The following DCT variants were observed in gnomAD, a reference collection of about 807,000 sequenced individuals.
DCT encodes the protein dopachrome tautomerase, also known as L-dopachrome tautomerase.
Under a neutral mutation model 53.0 loss-of-function variants are expected in DCT, and 47 were observed. The observed-to-expected ratio is 0.89, with a 90% CI of 0.70 to 1.13. The LOEUF is 1.13. DCT is among the 50% of genes most tolerant of loss of function. DCT has a pLI of 0.00. For missense variants in DCT, 669 were observed against 637.4 expected, an observed-to-expected ratio of 1.05 and a Z score of -0.53; for synonymous variants, 244 against 237.0, an observed-to-expected ratio of 1.03 and a Z score of -0.27.
At chr13:94,547,494 G>A in the DCT span, among the ~76,000 whole-genome samples, 1 of 152,088 alleles carries the variant, frequency 6.6e-6, no homozygotes, top group Admixed American at 6.6e-5. Flanking sequence ...ATGCCCTTCA[G>A]TCGAATTCTT....
At chr13:94,501,432 A>AT in the DCT span, among the ~76,000 whole-genome samples, 31 of 152,108 alleles carry the variant, frequency 2.0e-4, no homozygotes, top group African/African-American at 7.5e-4. Context: ...CCTCTAGTAC[A>AT]TAAAAAGTAA....
rs1180253293 is a variant in DCT at position 94,465,780 on chromosome 13, G to C, written c.716C>G (p.Ser239Cys). The change falls in exon 4 of 8, where the codon TCT becomes TGT. Residue 239 changes from serine to cysteine, a missense_variant. Transcript: ENST00000377028. ...AAAGTTCCAGTAGGGCAAAGCAAAA[G>C]ACTCATTGCCAATGAGTCGCTAAAA... is the stretch of plus-strand genomic sequence containing the variant. The part of the protein sequence containing the change: ...RDLQRLIGNE[S>C]FALPYWNFAT... The C allele has an allele frequency of 1.6e-5, 25 of 1,611,222 alleles. No homozygotes were observed. Among genetic ancestry groups the C allele is most frequent in the Non-Finnish European group, 2.1e-5 (25 of 1,178,798 alleles).
the DCT span, among the ~76,000 whole-genome samples, chr13:94,543,039 G>A: frequency 6.6e-6 from 1 of 152,150 alleles, no homozygotes; most frequent in African/African-American, 2.4e-5. Context: ...AAGTCTCATG[G>A]CTTCATTTAT....
chr13:94,510,914 C>T, the DCT span, among the ~76,000 whole-genome samples: 1 of 152,180 alleles, frequency 6.6e-6, no homozygotes, highest in African/African-American at 2.4e-5. Context: ...CACATCTTCC[C>T]CCAACCATGT....
At chr13:94,528,427 C>T in the DCT span, among the ~76,000 whole-genome samples, 1 of 152,200 alleles carries the variant, frequency 6.6e-6, no homozygotes, top group Non-Finnish European at 1.5e-5. Context: ...GCCCATCAGA[C>T]TAACAGTGAA....
the DCT span, among the ~76,000 whole-genome samples, chr13:94,540,132 A>ATG: frequency 8.5e-5 from 13 of 152,308 alleles, no homozygotes; most frequent in East Asian, 2.5e-3. Flanking sequence ...AATGTGTTTA[A>ATG]TGTAAAACAT....
chr13:94,541,359 C>A, the DCT span, among the ~76,000 whole-genome samples: 1 of 152,094 alleles, frequency 6.6e-6, no homozygotes, highest in Non-Finnish European at 1.5e-5. Flanking sequence ...CAAAAATTAG[C>A]TGGACGTGGT....
intron 1 of DCT, among the ~76,000 whole-genome samples, chr13:94,472,517 CATACATATATAT>C (rs1294690166): frequency 0.048 from 2,278 of 47,526 alleles, 156 homozygotes; most frequent in African/African-American, 0.1. Flanking sequence ...TATATACATA[CATACATATATAT>C]ATATATATAT....
chr13:94,459,251 T>C (rs1474161386), intron 6 of DCT, among the ~76,000 whole-genome samples: 1 of 152,180 alleles, frequency 6.6e-6, no homozygotes, highest in Non-Finnish European at 1.5e-5. Context: ...CACTGAAATT[T>C]AAATAACTGT....
chr13:94,542,329 C>T, the DCT span, among the ~76,000 whole-genome samples: 1 of 152,186 alleles, frequency 6.6e-6, no homozygotes, highest in African/African-American at 2.4e-5. Context: ...GCTGGGACTA[C>T]AGGTGCACAC....
At chr13:94,472,291 G>T (rs1482311244) in intron 1 of DCT, among the ~76,000 whole-genome samples, 1 of 151,592 alleles carries the variant, frequency 6.6e-6, no homozygotes, top group Non-Finnish European at 1.5e-5. Context: ...AACATGCACT[G>T]ACAGTGAGGG....
the DCT span, among the ~76,000 whole-genome samples, chr13:94,545,955 C>T: frequency 6.6e-6 from 1 of 152,058 alleles, no homozygotes; most frequent in Non-Finnish European, 1.5e-5. Flanking sequence ...CCAGGCCTCT[C>T]TGAGCCCCCT....
At chr13:94,500,832 T>TA in the DCT span, among the ~76,000 whole-genome samples, 10 of 152,194 alleles carry the variant, frequency 6.6e-5, no homozygotes, top group Non-Finnish European at 1.5e-4. Context: ...ATTTTCATTT[T>TA]AAAAAATCAT....
At chr13:94,476,883 C>T (rs916188000) in intron 1 of DCT, among the ~76,000 whole-genome samples, 1 of 152,116 alleles carries the variant, frequency 6.6e-6, no homozygotes, top group African/African-American at 2.4e-5. Context: ...GCAACCTGCT[C>T]CTCATTCGTC....
chr13:94,507,026 T>C, the DCT span, among the ~76,000 whole-genome samples: 1 of 152,188 alleles, frequency 6.6e-6, no homozygotes, highest in East Asian at 1.9e-4. Flanking sequence ...TTGGACTGGC[T>C]AGTATTCTTC....
chr13:94,479,429 T>C lies in DCT; in HGVS notation c.-174A>G. 6 of 621,006 alleles carry C rather than the reference T, an allele frequency of 9.7e-6. No homozygotes were observed. Among genetic ancestry groups the C allele is most frequent in the Non-Finnish European group, 1.6e-5 (6 of 366,006 alleles). The allele number at this position is 621,006 out of a possible 1,614,324, so 38.5% of individuals were successfully genotyped here. A position where few individuals can be genotyped will look rare whatever the true frequency, so the allele number is the denominator to read the frequency against. ...ACAAGAATCACAGAGGTTACATGTGTGCACATGTGTACATGAACGTGCACA... is the reference window on the plus strand; with the variant it reads ...ACAAGAATCACAGAGGTTACATGTGCGCACATGTGTACATGAACGTGCACA... On this transcript the variant is annotated 5_prime_UTR_variant, in exon 1 of 8. Coordinates refer to ENST00000377028, the MANE Select transcript of DCT (RefSeq NM_001922.5).
At chr13:94,536,270 T>C in the DCT span, among the ~76,000 whole-genome samples, 2 of 152,116 alleles carry the variant, frequency 1.3e-5, no homozygotes, top group African/African-American at 2.4e-5. Context: ...AACATTGACA[T>C]TGGACAGAGT....
intron 1 of DCT, among the ~76,000 whole-genome samples, chr13:94,474,356 C>T (rs1480925916): frequency 1.3e-5 from 2 of 152,128 alleles, no homozygotes; most frequent in East Asian, 1.9e-4. Flanking sequence ...TAAAGACCAC[C>T]GATTAGTGAA....
upstream of DCT, among the ~76,000 whole-genome samples, chr13:94,484,399 T>G (rs770603062): frequency 7.2e-5 from 11 of 152,270 alleles, no homozygotes; most frequent in Non-Finnish European, 1.5e-4. Context: ...CATTTTCATA[T>G]AGCTTTCACA....
Sources: allele counts gnomAD v4.1 joint callset (sites outside exome capture counted in the v4.1 genomes callset), GRCh38; gene constraint gnomAD v4.1.1; transcripts MANE v1.5; gene names NCBI Gene and HGNC (gene_info 2026-07-23, HGNC 2026-07-21).